The following RGS7 variants were observed in gnomAD, a reference collection of about 807,000 sequenced individuals.
RGS7 encodes the protein regulator of G protein signaling 7.
Under a neutral mutation model 81.1 loss-of-function variants are expected in RGS7, and 27 were observed. The ratio of observed to expected loss-of-function variants is 0.33; its 90% confidence interval spans 0.25 to 0.46. The LOEUF (loss-of-function observed/expected upper bound fraction) is 0.46. Among genes scored for constraint, RGS7 ranks in the 20% least tolerant of loss-of-function variants. RGS7 has a pLI of 1.00. For synonymous variants in RGS7, 208 were observed against 207.7 expected, an observed-to-expected ratio of 1.00 and a Z score of -0.01; for missense variants, 396 against 607.4, an observed-to-expected ratio of 0.65 and a Z score of 3.66.
At chr1:241,225,636 CT>C (rs1375138382) in intron 2 of RGS7, among the ~76,000 whole-genome samples, 8 of 152,096 alleles carry the variant, frequency 5.3e-5, no homozygotes, top group Non-Finnish European at 1.0e-4. Context: ...TATTACAGGC[CT>C]TTGAGTGACT....
At chr1:240,813,902 C>T (rs1690330096) in intron 12 of RGS7, among the ~76,000 whole-genome samples, 174 bp from the exon 13 acceptor site, 1 of 152,188 alleles carries the variant, frequency 6.6e-6, no homozygotes, top group South Asian at 2.1e-4. Context: ...ACTTATTGTG[C>T]TTCTTGGCAG....
chr1:241,022,739 T>C (rs1261158797), intron 3 of RGS7, among the ~76,000 whole-genome samples: 2 of 152,314 alleles, frequency 1.3e-5, no homozygotes, highest in Non-Finnish European at 2.9e-5. Flanking sequence ...ATCTCCAACA[T>C]GGCGTGGCCA....
chr1:240,951,438 G>A (rs1679541972), intron 4 of RGS7, among the ~76,000 whole-genome samples: 1 of 152,076 alleles, frequency 6.6e-6, no homozygotes, highest in Non-Finnish European at 1.5e-5. Flanking sequence ...AAGATTCTAA[G>A]AAAGATATTC....
At chr1:240,905,349 T>C (rs1213203178) in intron 6 of RGS7, among the ~76,000 whole-genome samples, 1 of 152,158 alleles carries the variant, frequency 6.6e-6, no homozygotes, top group Non-Finnish European at 1.5e-5. Context: ...AACAAAGATT[T>C]TGCAATATCT....
chr1:241,244,089 C>A (rs924550534), intron 2 of RGS7, among the ~76,000 whole-genome samples: 14 of 152,062 alleles, frequency 9.2e-5, no homozygotes, highest in African/African-American at 3.4e-4. Context: ...ACTGACCTAT[C>A]CAGGTACATA....
rs533689925 is a variant in RGS7 at position 240,980,499 on chromosome 1, T to C, written c.226+2580A>G. 8.5e-5 allele frequency among the ~76,000 whole-genome samples: 13 copies of C among 152,332 alleles called. 2 individuals carry two copies. In the South Asian group the frequency reaches 2.7e-3, roughly 32 times the overall value. ...ACTAGGCATGGGTTTCTTTCTTATT[T>C]TAAAACATCTTCAGGGAGTTTTTGA... is the stretch of plus-strand genomic sequence containing the variant. On this transcript the variant is annotated intron_variant, in intron 4 of 18. Coordinates refer to ENST00000440928, the MANE Select transcript of RGS7 (RefSeq NM_001364886.1).
chr1:240,860,246 C>T (rs1403279543), intron 9 of RGS7, among the ~76,000 whole-genome samples: 1 of 152,068 alleles, frequency 6.6e-6, no homozygotes, highest in Non-Finnish European at 1.5e-5. Context: ...AAACCTTGTT[C>T]TTAGTTCCTT....
chr1:240,931,859 C>A (rs550373013), intron 5 of RGS7, among the ~76,000 whole-genome samples: 1 of 152,108 alleles, frequency 6.6e-6, no homozygotes, highest in Non-Finnish European at 1.5e-5. Context: ...ACTTTCCTAG[C>A]CCTGCTAGCT....
At chr1:241,118,065 T>C (rs991069311) in intron 2 of RGS7, among the ~76,000 whole-genome samples, 1 of 152,226 alleles carries the variant, frequency 6.6e-6, no homozygotes. Flanking sequence ...ACAATAGCTA[T>C]TCTTTCTATG....
At chr1:240,885,512 A>C (rs1667201069) in intron 6 of RGS7, among the ~76,000 whole-genome samples, 1 of 152,236 alleles carries the variant, frequency 6.6e-6, no homozygotes, top group Admixed American at 6.5e-5. Flanking sequence ...CACATCAAGG[A>C]CAGATTGGAT....
chr1:240,899,541 G>T (rs139543786), intron 6 of RGS7, among the ~76,000 whole-genome samples: 19,443 of 152,076 alleles, frequency 0.13, 1,356 homozygotes, highest in Middle Eastern at 0.18. Flanking sequence ...CCTTCACTTA[G>T]GAAGCTTAGT....
At chr1:240,950,855 A>G (rs1679433060) in intron 4 of RGS7, among the ~76,000 whole-genome samples, 1 of 152,134 alleles carries the variant, frequency 6.6e-6, no homozygotes, top group South Asian at 2.1e-4. Flanking sequence ...CTAAACCATA[A>G]ATTAGCACAC....
intron 2 of RGS7, among the ~76,000 whole-genome samples, chr1:241,264,073 G>A (rs1009653247): frequency 1.3e-5 from 2 of 152,188 alleles, no homozygotes; most frequent in African/African-American, 4.8e-5. Context: ...TGACTTACTA[G>A]AGCTCTTAAA....
chr1:240,981,455 C>T (rs1229213569), intron 4 of RGS7, among the ~76,000 whole-genome samples: 1 of 152,086 alleles, frequency 6.6e-6, no homozygotes, highest in Non-Finnish European at 1.5e-5. Flanking sequence ...TCTACTTCAC[C>T]TCTGATCCTT....
intron 2 of RGS7, among the ~76,000 whole-genome samples, chr1:241,110,412 C>A (rs1294364680): frequency 6.6e-6 from 1 of 152,046 alleles, no homozygotes; most frequent in Non-Finnish European, 1.5e-5. Context: ...AATTCAGCAA[C>A]CTCTATGTGT....
chr1:241,117,622 T>G (rs185796455), intron 2 of RGS7, among the ~76,000 whole-genome samples: 84 of 152,272 alleles, frequency 5.5e-4, no homozygotes, highest in Admixed American at 2.6e-3. Context: ...AAACTCCTGG[T>G]TAATTTGACA....
At chr1:241,195,125 CT>C (rs1326794775) in intron 2 of RGS7, among the ~76,000 whole-genome samples, 34 of 152,296 alleles carry the variant, frequency 2.2e-4, no homozygotes, top group Non-Finnish European at 1.2e-4. Flanking sequence ...CTCAAAATGC[CT>C]TGCAAGTTTT....
intron 4 of RGS7, among the ~76,000 whole-genome samples, chr1:240,964,312 A>T (rs1336069217): frequency 6.6e-6 from 1 of 152,216 alleles, no homozygotes; most frequent in Non-Finnish European, 1.5e-5. Flanking sequence ...CGATCCGATT[A>T]CAGAAAGGAT....
chr1:241,180,462 T>G (rs999741029), intron 2 of RGS7, among the ~76,000 whole-genome samples: 3 of 152,162 alleles, frequency 2.0e-5, no homozygotes, highest in African/African-American at 7.2e-5. Flanking sequence ...ATGTGTGTGT[T>G]TTGTTCTTCC....
Sources: allele counts gnomAD v4.1 joint callset (sites outside exome capture counted in the v4.1 genomes callset), GRCh38; gene constraint gnomAD v4.1.1; transcripts MANE v1.5; gene names NCBI Gene and HGNC (gene_info 2026-07-23, HGNC 2026-07-21).